The following CRTAM variants were observed in gnomAD, a reference collection of about 807,000 sequenced individuals.
CRTAM encodes cytotoxic and regulatory T-cell molecule.
In CRTAM, 44 loss-of-function variants were observed where a neutral mutation model predicts 50.0. That is an observed-to-expected ratio of 0.88 (90% confidence interval 0.69 to 1.13). The LOEUF is 1.13. Among genes scored for constraint, CRTAM ranks in the 50% most tolerant of loss-of-function variants. The pLI is 0.00. For missense variants in CRTAM, 448 were observed against 457.5 expected (o/e 0.98, Z 0.19); for synonymous variants, 159 against 169.3 (o/e 0.94, Z 0.47).
intron 1 of CRTAM, among the ~76,000 whole-genome samples, chr11:122,838,793 G>C (rs1247956715): frequency 6.6e-6 from 1 of 152,102 alleles, no homozygotes; most frequent in Non-Finnish European, 1.5e-5. Context: ...CAATGGCTAA[G>C]GAGTATAGAA....
intron 2 of CRTAM, among the ~76,000 whole-genome samples, chr11:122,851,004 G>A (rs975697072): frequency 8.5e-5 from 13 of 152,228 alleles, no homozygotes; most frequent in African/African-American, 3.1e-4. Context: ...GCTCATGCCT[G>A]TAATCCCAGC....
chr11:122,841,341 C>T (rs1861794825), intron 1 of CRTAM, among the ~76,000 whole-genome samples: 1 of 151,896 alleles, frequency 6.6e-6, no homozygotes, highest in Admixed American at 6.6e-5. Flanking sequence ...TTTGATATAA[C>T]AGTTAAAGAG....
chr11:122,861,490 C>T (rs576203963), intron 5 of CRTAM, among the ~76,000 whole-genome samples: 1 of 126,296 alleles, frequency 7.9e-6, no homozygotes, highest in Admixed American at 1.0e-4. Context: ...GGCTTGAGTG[C>T]AGTGGTGCCA....
Position 122,847,234 on chromosome 11 carries a change from C to T in CRTAM, c.47-2834C>T, listed in dbSNP as rs150327438. ...TAGTGGAGGAGCCAGGATTCCAACC[C>T]AGTCAATTTGGCTCGTGTGCGTGTG... is the stretch of plus-strand genomic sequence containing the variant. On this transcript the variant is annotated intron_variant, in intron 1 of 9. Transcript: ENST00000227348. Among the ~76,000 whole-genome samples, 770 of 152,240 alleles carry T rather than the reference C, an allele frequency of 5.1e-3. 8 individuals are homozygous for T. Among genetic ancestry groups the T allele is most frequent in the African/African-American group, 0.018 (733 of 41,544 alleles).
chr11:122,854,184 A>G, intron 4 of CRTAM, 98 bp downstream of exon 4: 1 of 1,193,202 alleles, frequency 8.4e-7, no homozygotes, highest in Non-Finnish European at 1.2e-6. Flanking sequence ...CAATGCCAGA[A>G]GACATCATTT....
chr11:122,839,328 TA>T (rs1861772336), intron 1 of CRTAM, among the ~76,000 whole-genome samples: 1 of 152,194 alleles, frequency 6.6e-6, no homozygotes, highest in Non-Finnish European at 1.5e-5. Context: ...ATGAAAATGA[TA>T]AAAACTTTTG....
At chr11:122,845,074 C>T (rs1591348152) in intron 1 of CRTAM, among the ~76,000 whole-genome samples, 1 of 152,184 alleles carries the variant, frequency 6.6e-6, no homozygotes, top group Non-Finnish European at 1.5e-5. Context: ...AGGATCTGAC[C>T]TCCGTTGTGT....
intron 3 of CRTAM, among the ~76,000 whole-genome samples, chr11:122,852,611 C>T (rs1055325828): frequency 1.3e-5 from 2 of 152,196 alleles, no homozygotes; most frequent in East Asian, 3.9e-4. Context: ...GGGAAAGTAG[C>T]TGAGAAGGAG....
At chr11:122,871,187 G>A (rs1862247403) in intron 9 of CRTAM, 82 bp from the exon 10 acceptor site, 1 of 1,283,130 alleles carries the variant, frequency 7.8e-7, no homozygotes, top group African/African-American at 1.5e-5. Flanking sequence ...CTAAAAATAT[G>A]ATATCCAATC....
In CRTAM at chr11:122,867,562, G is replaced by A. The variant is rs539227977; in HGVS notation, c.964+7G>A. ...CATGTGATATGGAAGAAAGGTCAGT[G>A]GGCAGGGAACCTGACGGGGGCTATA... On this transcript the variant is annotated splice_region_variant and intron_variant, in intron 8 of 9. Coordinates refer to ENST00000227348, the MANE Select transcript of CRTAM (RefSeq NM_019604.4). 107 of 1,611,258 alleles carry A rather than the reference G, an allele frequency of 6.6e-5. No homozygotes were observed. Among genetic ancestry groups the A allele is most frequent in the Middle Eastern group, 3.3e-4 (2 of 6,036 alleles).
intron 1 of CRTAM, among the ~76,000 whole-genome samples, chr11:122,844,660 T>C (rs956696305): frequency 3.3e-5 from 5 of 152,124 alleles, no homozygotes; most frequent in Non-Finnish European, 5.9e-5. Context: ...AAGGAATGAA[T>C]TTTAGAGAAA....
At chr11:122,867,852 C>T (rs780004208) in intron 8 of CRTAM, among the ~76,000 whole-genome samples, 161 bp from the exon 9 acceptor site, 1 of 152,164 alleles carries the variant, frequency 6.6e-6, no homozygotes, top group Non-Finnish European at 1.5e-5. Flanking sequence ...ACAGTCCCTA[C>T]AGGAATCAAA....
intron 1 of CRTAM, among the ~76,000 whole-genome samples, chr11:122,838,929 A>AT (rs764957577): frequency 9.2e-5 from 14 of 151,870 alleles, no homozygotes; most frequent in East Asian, 5.8e-4. Flanking sequence ...ATTTTATTTT[A>AT]TTTATTTATT....
chr11:122,849,922 C>A, intron 1 of CRTAM, 146 bp from the exon 2 acceptor site: 1 of 654,506 alleles, frequency 1.5e-6, no homozygotes, highest in Non-Finnish European at 2.3e-6. Flanking sequence ...CAGTTCTTGC[C>A]TCTCCCCTCC....
intron 9 of CRTAM, among the ~76,000 whole-genome samples, chr11:122,869,973 T>C (rs1862233391): frequency 6.6e-6 from 1 of 152,198 alleles, no homozygotes; most frequent in Admixed American, 6.5e-5. Flanking sequence ...GTTGGGTTGC[T>C]CCCTGAGCTG....
chr11:122,843,541 A>C, intron 1 of CRTAM, among the ~76,000 whole-genome samples: 1 of 152,188 alleles, frequency 6.6e-6, no homozygotes, highest in East Asian at 1.9e-4. Context: ...TGAAGCTCAG[A>C]TAGGACTAGG....
At position 122,864,635 on chromosome 11, in the gene CRTAM, G is replaced by C. The variant is rs1164863387; in HGVS notation, c.734-1G>C. The C allele has an allele frequency of 5.6e-6, 9 of 1,605,744 alleles. No homozygotes were observed. The highest frequency in any genetic ancestry group is 7.7e-6 in the Non-Finnish European group (9 of 1,172,582). Reference sequence around the variant, plus strand: ...TCATGTTTTATCTTCTTTCACTTTAGTCTCAGTAACGGAAGATTCTAGTAC... The same window carrying C: ...TCATGTTTTATCTTCTTTCACTTTACTCTCAGTAACGGAAGATTCTAGTAC... On this transcript the variant is annotated splice_acceptor_variant, in intron 6 of 9. Transcript: ENST00000227348. LOFTEE classifies it high-confidence loss of function.
At position 122,849,593 on chromosome 11, in the gene CRTAM, G is replaced by C. The variant is rs181389847; in HGVS notation, c.47-475G>C. On this transcript the variant is annotated intron_variant, in intron 1 of 9. Transcript: ENST00000227348. ...AAAAACTAGCCAGGCTTGGTGGTACGTGTCTGTAATCCCAGCTATTTGGGA... is the reference window on the plus strand; with the variant it reads ...AAAAACTAGCCAGGCTTGGTGGTACCTGTCTGTAATCCCAGCTATTTGGGA... Among the ~76,000 whole-genome samples the C allele has an allele frequency of 5.3e-5, 8 of 152,154 alleles. No individual in the cohort carries two copies. The East Asian group carries it at 1.5e-3, about 29-fold the overall frequency.
At chr11:122,847,505 G>A (rs1420250854) in intron 1 of CRTAM, among the ~76,000 whole-genome samples, 1 of 152,206 alleles carries the variant, frequency 6.6e-6, no homozygotes. Context: ...CACAGGATAG[G>A]GAGACGTGAT....
Sources: gnomAD v4.1 joint callset for allele counts (sites outside exome capture counted in the v4.1 genomes callset) on GRCh38, gnomAD v4.1.1 for gene constraint, MANE v1.5 for transcripts, NCBI Gene and HGNC (gene_info 2026-07-23, HGNC 2026-07-21) for gene names.